CGN: variants seen among roughly 807,000 people sequenced by gnomAD.
CGN encodes the protein cingulin.
In CGN, 121 loss-of-function variants were observed where a neutral mutation model predicts 157.1. The observed-to-expected ratio is 0.77, with a 90% confidence interval of 0.66 to 0.90. CGN has a LOEUF of 0.90. CGN is among the 40% of genes least tolerant of loss of function. The pLI is 0.00. For synonymous variants in CGN, 535 were observed against 607.5 expected, an observed-to-expected ratio of 0.88 and a Z score of 1.76; for missense variants, 1,424 against 1,520.9, an observed-to-expected ratio of 0.94 and a Z score of 1.06.
intron 18 of CGN, 27 bp downstream of exon 18, chr1:151,535,925 T>TCCTC: frequency 6.5e-7 from 1 of 1,548,032 alleles, no homozygotes; most frequent in Non-Finnish European, 8.9e-7. Flanking sequence ...CTTCCTCCCT[T>TCCTC]CCTCCCTCCT....
intron 10 of CGN, among the ~76,000 whole-genome samples, chr1:151,528,816 C>T (rs952150187): frequency 3.3e-5 from 5 of 151,962 alleles, no homozygotes; most frequent in Non-Finnish European, 7.4e-5. Flanking sequence ...AGCAATAATT[C>T]CCCCCACCCA....
chr1:151,534,171 G>T (rs1241099071), intron 15 of CGN, 35 bp downstream of exon 15: 2 of 1,538,584 alleles, frequency 1.3e-6, no homozygotes, highest in Non-Finnish European at 8.8e-7. Context: ...TGGAAAAAGG[G>T]TGGGACTTCC....
chr1:151,518,394 T>G (rs559343013), intron 1 of CGN, 112 bp from the exon 2 acceptor site: 2 of 901,102 alleles, frequency 2.2e-6, no homozygotes, highest in South Asian at 3.7e-5. Flanking sequence ...TCTGTTAGTC[T>G]GAGAATCAGT....
rs1336115281 is a variant in CGN at position 151,526,170 on chromosome 1, C to T, written c.1763+380C>T. Among the ~76,000 whole-genome samples the T allele has an allele frequency of 5.9e-5, 7 of 117,778 alleles. No individual in the cohort carries two copies. The East Asian group carries it at 1.8e-3, about 31-fold the overall frequency. The allele number at this position is 117,778 out of a possible 152,430, so 77.3% of individuals were successfully genotyped here. On this transcript the variant is annotated intron_variant, in intron 9 of 20. Transcript: ENST00000271636. ...TACGGGTGTGAGCCGCTGCGCCTGG[C>T]CCCCTTTCTCCTTTTTTTTTTTTTT...
chr1:151,530,091 A>G lies in CGN; in HGVS notation c.2289A>G (p.Leu763=), dbSNP rs1370965430. 6.2e-7 allele frequency: 1 copy of G among 1,613,512 alleles called. No individual in the cohort carries two copies. The part of the protein sequence containing the change: ...VDGGEAVEAR[L]RDKLQRLEAE... ...GTGGGGAAGCGGTGGAGGCACGACT[A>G]CGGGACAAGCTGCAGCGGCTGGAGG... Residue 763 remains leucine (L), a synonymous_variant, in exon 12 of 21, where the codon CTA becomes CTG. Coordinates refer to ENST00000271636, the MANE Select transcript of CGN (RefSeq NM_020770.3).
chr1:151,525,228 T>C (rs1174835702), intron 8 of CGN, among the ~76,000 whole-genome samples: 1 of 152,028 alleles, frequency 6.6e-6, no homozygotes, highest in Non-Finnish European at 1.5e-5. Context: ...AGAAACCCCA[T>C]CTCTGCCAAA....
At position 151,529,542 on chromosome 1, in the gene CGN, T is replaced by G. The variant is rs1234389844; in HGVS notation, c.2089T>G (p.Cys697Gly). ...GACCCTCCAGCAACTGCGACAGGAC[T>G]GTGAAGAGGCTTCCAAGGCAAGGGG... ...QKTLQQLRQD[C>G]EEASKAKMVA... The change falls in exon 11 of 21, where the codon TGT becomes GGT. Residue 697 changes from cysteine (C) to glycine (G), a missense_variant. Cys to Gly is a radical substitution (Grantham distance 159). This residue lies in a region of CGN where 1,187 missense variants were observed against 1,217.6 expected (regional missense o/e 0.97). Coordinates refer to ENST00000271636, the MANE Select transcript of CGN (RefSeq NM_020770.3). The G allele has an allele frequency of 1.9e-6, 3 of 1,613,610 alleles. No individual in the cohort carries two copies. The highest frequency in any genetic ancestry group is 4.5e-5 in the East Asian group (2 of 44,860).
At chr1:151,533,487 A>G (rs1054235599) in intron 14 of CGN, among the ~76,000 whole-genome samples, 2 of 147,138 alleles carry the variant, frequency 1.4e-5, no homozygotes, top group Non-Finnish European at 3.0e-5. Context: ...AAAAACAAAA[A>G]CAAAAACAAT....
chr1:151,534,342 T>C, intron 15 of CGN: 1 of 582,552 alleles, frequency 1.7e-6, no homozygotes, highest in South Asian at 2.2e-5. Flanking sequence ...ATTTGGCAGA[T>C]ATGGTAATAC....
intron 12 of CGN, 117 bp from the exon 13 acceptor site, chr1:151,530,372 T>G: frequency 7.7e-7 from 1 of 1,296,588 alleles, no homozygotes; most frequent in South Asian, 1.4e-5. Context: ...GGAGCCTGTT[T>G]TCATTGCACA....
At position 151,532,571 on chromosome 1, in the gene CGN, A is replaced by G; in HGVS notation, c.2741A>G (p.Glu914Gly). Residue 914 changes from glutamate (E) to glycine (G), a missense_variant and splice_region_variant, in exon 14 of 21, where the codon GAG becomes GGG. Physicochemically the swap from Glu to Gly is moderately conservative, Grantham distance 98. Coordinates refer to ENST00000271636, the MANE Select transcript of CGN (RefSeq NM_020770.3). ...GGAGGACTGAGCCGACTTCAGGATG[A>G]GGTAGAAGTCTAATATCCTTGGGTT... Reference protein sequence around the residue: ...TSGGLSRLQDEIQRLRQALQA... With the variant: ...TSGGLSRLQDGIQRLRQALQA... 7.2e-7 allele frequency: 1 copy of G among 1,389,918 alleles called. No homozygotes were observed. The highest frequency in any genetic ancestry group is 9.6e-7 in the Non-Finnish European group (1 of 1,042,626). 86.1% of individuals were successfully genotyped at this position (1,389,918 alleles called of 1,614,324 possible).
chr1:151,536,091 C>T (rs1387706733), intron 18 of CGN, 146 bp from the exon 19 acceptor site: 2 of 718,352 alleles, frequency 2.8e-6, no homozygotes, highest in East Asian at 2.5e-5. Context: ...ACGTCACTCT[C>T]CCTCATTCTT....
intron 12 of CGN, among the ~76,000 whole-genome samples, 177 bp downstream of exon 12, chr1:151,530,292 C>T (rs986001961): frequency 6.6e-6 from 1 of 152,194 alleles, no homozygotes; most frequent in Non-Finnish European, 1.5e-5. Context: ...AATGTTCAGT[C>T]TTTGCACTGG....
In CGN at chr1:151,518,580, C is replaced by G. The variant is rs776514568; in HGVS notation, c.61C>G (p.Arg21Gly). Reference sequence around the variant, plus strand: ...CCCCGTAGACCATGGAGTCCAGATTCGCTTCATCACAGAGCCAGTGAGTGG... The same window carrying G: ...CCCCGTAGACCATGGAGTCCAGATTGGCTTCATCACAGAGCCAGTGAGTGG... ...RGPVDHGVQI[R>G]FITEPVSGAE... Residue 21 changes from arginine to glycine, a missense_variant, in exon 2 of 21, where the codon CGC becomes GGC. Transcript: ENST00000271636. 1 of 1,614,036 alleles carries G rather than the reference C, an allele frequency of 6.2e-7. No homozygotes were observed. Among genetic ancestry groups the G allele is most frequent in the Non-Finnish European group, 8.5e-7 (1 of 1,179,940 alleles).
chr1:151,518,853 C>T lies in CGN; in HGVS notation c.334C>T (p.Pro112Ser). 1 of 1,613,992 alleles carries T rather than the reference C, an allele frequency of 6.2e-7. No homozygotes were observed. Among genetic ancestry groups the T allele is most frequent in the Non-Finnish European group, 8.5e-7 (1 of 1,179,936 alleles). The change falls in exon 2 of 21, where the codon CCT (proline) becomes TCT (serine). Residue 112 changes from proline to serine, a missense_variant. Pro to Ser is a moderately conservative substitution (Grantham distance 74). This residue lies in a region of CGN where 1,187 missense variants were observed against 1,217.6 expected (regional missense o/e 0.97). Coordinates refer to ENST00000271636, the MANE Select transcript of CGN (RefSeq NM_020770.3). Reference protein sequence around the residue: ...ENPYSQVKGFPAPSQSSTSDE... With the variant: ...ENPYSQVKGFSAPSQSSTSDE... Reference sequence around the variant, plus strand: ...CCCCTACTCTCAGGTCAAGGGATTTCCTGCCCCCTCGCAGAGCAGCACATC... The same window carrying T: ...CCCCTACTCTCAGGTCAAGGGATTTTCTGCCCCCTCGCAGAGCAGCACATC...
intron 10 of CGN, among the ~76,000 whole-genome samples, chr1:151,528,570 C>A (rs186321132): frequency 6.6e-6 from 1 of 152,040 alleles, no homozygotes; most frequent in Non-Finnish European, 1.5e-5. Flanking sequence ...GCACACACCA[C>A]CACGCCCGGC....
Position 151,530,636 on chromosome 1 carries a change from C to CG in CGN, c.2464dup (p.Ala822GlyfsTer18). ...GGGGCAGGAGCAGCAGACACTGAAC[C>CG]GGGCCCTGGAGGAGGAAGGGAAGCA... On this transcript the variant is annotated frameshift_variant, in exon 13 of 21. Transcript: ENST00000271636. LOFTEE classifies it high-confidence loss of function. 1 of 1,601,620 alleles carries CG rather than the reference C, an allele frequency of 6.2e-7. No homozygotes were observed. Among genetic ancestry groups the CG allele is most frequent in the Non-Finnish European group, 8.5e-7 (1 of 1,173,736 alleles).
intron 5 of CGN, among the ~76,000 whole-genome samples, chr1:151,521,569 G>T (rs1055634962): frequency 6.6e-6 from 1 of 152,210 alleles, no homozygotes; most frequent in Admixed American, 6.5e-5. Flanking sequence ...TCCCAGCCGG[G>T]CGCAGTGGCT....
intron 15 of CGN, 68 bp from the exon 16 acceptor site, chr1:151,534,974 C>A: frequency 1.8e-6 from 2 of 1,103,948 alleles, no homozygotes; most frequent in Admixed American, 1.8e-5. Flanking sequence ...GTTTGAGAGG[C>A]TCCTGGTCTG....
Sources: allele counts gnomAD v4.1 joint callset (sites outside exome capture counted in the v4.1 genomes callset), GRCh38; gene constraint gnomAD v4.1.1; regional missense constraint gnomAD v4.1.1; transcripts MANE v1.5; gene names NCBI Gene and HGNC (gene_info 2026-07-23, HGNC 2026-07-21).